LIPI: variants seen among roughly 807,000 people sequenced by gnomAD.
The protein encoded by LIPI is lipase member I.
A neutral mutation model predicts 50.6 loss-of-function variants in LIPI; 59 were observed. That is an observed-to-expected ratio of 1.16 (90% confidence interval 0.94 to 1.45). The LOEUF (loss-of-function observed/expected upper bound fraction) is 1.45, where lower values mean the gene tolerates loss of function less well. LIPI is among the 40% of genes most tolerant of loss of function. LIPI has a pLI of 0.00. For synonymous variants in LIPI, 203 were observed against 178.2 expected (o/e 1.14, Z -1.11); for missense variants, 586 against 536.3 (o/e 1.09, Z -0.92).
chr21:14,130,938 CTT>C (rs1029034955), intron 9 of LIPI, among the ~76,000 whole-genome samples: 3 of 152,084 alleles, frequency 2.0e-5, no homozygotes, highest in Admixed American at 1.3e-4. Context: ...CCACTACTAA[CTT>C]TTTTGTTGTT....
chr21:14,161,076 C>T lies in LIPI; in HGVS notation c.1006+2343G>A, dbSNP rs910009683. On this transcript the variant is annotated intron_variant, in intron 7 of 9. Coordinates refer to ENST00000681601, the MANE Select transcript of LIPI (RefSeq NM_001302998.2). ...AAAAAAATGTTAAATTTTTTCAAAG[C>T]TAAATGTGCAATTAGTTTCTGTCCC... 2.0e-5 allele frequency among the ~76,000 whole-genome samples: 3 copies of T among 151,170 alleles called. No homozygotes were observed. The South Asian group carries it at 6.2e-4, about 31-fold the overall frequency.
chr21:14,144,640 T>C lies in LIPI; in HGVS notation c.1278A>G (p.Ser426=). The change falls in exon 9 of 10, where the codon TCA becomes TCG. Residue 426 remains serine (S), a synonymous_variant. Coordinates refer to ENST00000681601, the MANE Select transcript of LIPI (RefSeq NM_001302998.2). The part of the protein sequence containing the change: ...TYKIQSLMLK[S]LTYPERPPLC... ...TTTCTTACCTTTCTGGGTATGTAAG[T>C]GATTTTAACATGAGACTCTGGATCT... 2 of 1,555,040 alleles carry C rather than the reference T, an allele frequency of 1.3e-6. No individual in the cohort carries two copies. Among genetic ancestry groups the C allele is most frequent in the Non-Finnish European group, 1.8e-6 (2 of 1,129,056 alleles).
intron 9 of LIPI, among the ~76,000 whole-genome samples, chr21:14,118,878 T>C (rs1246767098): frequency 6.6e-6 from 1 of 152,126 alleles, no homozygotes; most frequent in Admixed American, 6.5e-5. Flanking sequence ...TTTGGAATAA[T>C]AGAGAGATGT....
At chr21:14,188,602 A>C (rs1023583011) in intron 2 of LIPI, among the ~76,000 whole-genome samples, 18 of 142,438 alleles carry the variant, frequency 1.3e-4, no homozygotes, top group African/African-American at 4.6e-4. Flanking sequence ...ATTTTTCTTT[A>C]CTTTTACCAA....
At chr21:14,109,115 A>T (rs772797949) in intron 9 of LIPI, 35 bp from the exon 10 acceptor site, 38 of 1,519,704 alleles carry the variant, frequency 2.5e-5, no homozygotes, top group Admixed American at 8.4e-5. Flanking sequence ...ACAAAAAAAT[A>T]ACTATTAGTA....
intron 3 of LIPI, among the ~76,000 whole-genome samples, chr21:14,184,490 A>T (rs548746337): frequency 1.0e-4 from 15 of 149,896 alleles, no homozygotes; most frequent in South Asian, 6.2e-4. Context: ...AATAAAATTT[A>T]AAAAAAATTT....
At chr21:14,151,473 A>C (rs2018088421) in intron 8 of LIPI, among the ~76,000 whole-genome samples, 1 of 152,138 alleles carries the variant, frequency 6.6e-6, no homozygotes, top group Admixed American at 6.5e-5. Context: ...CTGAAACCCT[A>C]ATGTGTTCAA....
Position 14,181,847 on chromosome 21 carries a change from G to T in LIPI, c.554C>A (p.Ala185Asp). The T allele has an allele frequency of 6.2e-7, 1 of 1,605,736 alleles. No individual in the cohort carries two copies. Residue 185 changes from alanine to aspartate, a missense_variant, in exon 4 of 10, where the codon GCT becomes GAT. Physicochemically the swap from Ala to Asp is moderately radical, Grantham distance 126. Transcript: ENST00000681601. Reference protein sequence around the residue: ...QLGRITGLDPAGPRFSRKPPY... With the variant: ...QLGRITGLDPDGPRFSRKPPY... Reference sequence around the variant, plus strand: ...TGGTTTTCTGGAGAACCTTGGCCCAGCAGGGTCAAGACCTGGAAAGCAAGA... The same window carrying T: ...TGGTTTTCTGGAGAACCTTGGCCCATCAGGGTCAAGACCTGGAAAGCAAGA...
chr21:14,142,359 C>T (rs760711270), intron 9 of LIPI, among the ~76,000 whole-genome samples: 11 of 151,472 alleles, frequency 7.3e-5, no homozygotes, highest in Non-Finnish European at 1.0e-4. Context: ...TAAATGAATA[C>T]ATAAACTAAC....
rs1219483794 is a variant in LIPI, at chr21:14,186,071, T to C, written c.433-2A>G. 4 of 1,530,318 alleles carry C rather than the reference T, an allele frequency of 2.6e-6. No individual in the cohort carries two copies. In the South Asian group the frequency reaches 4.5e-5, roughly 17 times the overall value. 94.8% of individuals were successfully genotyped at this position (1,530,318 alleles called of 1,614,324 possible). On this transcript the variant is annotated splice_acceptor_variant, in intron 2 of 9. Transcript: ENST00000681601. LOFTEE classifies it high-confidence loss of function. The stretch of plus-strand genomic sequence containing the variant: ...ATTGTCAAGAGATGCACCATGCTTC[T>C]GCAATTAAAGAGAAAGGCAATATTA...
chr21:14,131,703 T>C lies in LIPI; in HGVS notation c.1295+12920A>G, dbSNP rs1600843998. On this transcript the variant is annotated intron_variant, in intron 9 of 9. Coordinates refer to ENST00000681601, the MANE Select transcript of LIPI (RefSeq NM_001302998.2). The stretch of plus-strand genomic sequence containing the variant: ...AGGGACCGCAACAGTACTCAAGCAA[T>C]AGATCCCAACCAGAAAGAATTCCTC... Among the ~76,000 whole-genome samples, 3 of 152,052 alleles carry C rather than the reference T, an allele frequency of 2.0e-5. No homozygotes were observed. In the South Asian group the frequency reaches 6.2e-4, roughly 32 times the overall value.
intron 1 of LIPI, among the ~76,000 whole-genome samples, chr21:14,193,676 T>C (rs2019752011): frequency 6.6e-6 from 1 of 152,130 alleles, no homozygotes; most frequent in Non-Finnish European, 1.5e-5. Context: ...GTAAAAATTC[T>C]TAGAAGAAAA....
intron 9 of LIPI, among the ~76,000 whole-genome samples, chr21:14,114,794 G>C (rs2016559259): frequency 6.6e-6 from 1 of 152,144 alleles, no homozygotes; most frequent in Non-Finnish European, 1.5e-5. Flanking sequence ...AATACAAGAA[G>C]TATGAAGAAA....
intron 9 of LIPI, among the ~76,000 whole-genome samples, chr21:14,127,229 A>G (rs1341164850): frequency 1.3e-5 from 2 of 152,218 alleles, no homozygotes; most frequent in African/African-American, 4.8e-5. Flanking sequence ...TATAACTCAC[A>G]TTCCCAATAA....
intron 9 of LIPI, among the ~76,000 whole-genome samples, chr21:14,111,987 A>T (rs1037688504): frequency 2.0e-5 from 3 of 152,048 alleles, no homozygotes; most frequent in Non-Finnish European, 4.4e-5. Context: ...TAATTTTTCA[A>T]TTCGCATCCC....
chr21:14,183,919 G>A (rs138764131), intron 3 of LIPI, among the ~76,000 whole-genome samples: 4 of 152,156 alleles, frequency 2.6e-5, no homozygotes, highest in East Asian at 3.9e-4. Context: ...TCAGTGTGGC[G>A]ATTCCTCAGG....
chr21:14,144,538 C>A, intron 9 of LIPI, 85 bp downstream of exon 9: 1 of 696,412 alleles, frequency 1.4e-6, no homozygotes, highest in Non-Finnish European at 2.6e-6. Flanking sequence ...TATTTGAATA[C>A]ATGAATTTTT....
intron 1 of LIPI, among the ~76,000 whole-genome samples, chr21:14,198,019 T>C (rs553947036): frequency 1.3e-5 from 2 of 152,128 alleles, no homozygotes; most frequent in Admixed American, 6.6e-5. Flanking sequence ...CTGGGCAAAC[T>C]AAGCTTCATA....
At chr21:14,134,393 C>T (rs2017414610) in intron 9 of LIPI, among the ~76,000 whole-genome samples, 1 of 151,948 alleles carries the variant, frequency 6.6e-6, no homozygotes, top group Non-Finnish European at 1.5e-5. Context: ...AGATTCAATA[C>T]AATTTCTATT....
Sources: gnomAD v4.1 joint callset for allele counts (sites outside exome capture counted in the v4.1 genomes callset) on GRCh38, gnomAD v4.1.1 for gene constraint, MANE v1.5 for transcripts, NCBI Gene and HGNC (gene_info 2026-07-23, HGNC 2026-07-21) for gene names.